ROBO1: variants seen among roughly 807,000 people sequenced by gnomAD.
ROBO1 encodes the protein roundabout guidance receptor 1.
Under a neutral mutation model 195.9 loss-of-function variants are expected in ROBO1, and 149 were observed. The ratio of observed to expected loss-of-function variants is 0.76; its 90% confidence interval spans 0.67 to 0.87. The LOEUF (loss-of-function observed/expected upper bound fraction) is 0.87. Ranked by LOEUF, ROBO1 falls within the 40% of genes least tolerant of loss-of-function variation. The pLI, the probability that ROBO1 is intolerant of heterozygous loss-of-function variation, is 0.00. For missense variants in ROBO1, 1,933 were observed against 2,068.3 expected (o/e 0.93, Z 1.27); for synonymous variants, 816 against 733.2 (o/e 1.11, Z -1.82).
intron 2 of ROBO1, among the ~76,000 whole-genome samples, chr3:79,337,066 T>A (rs576844781): frequency 6.6e-6 from 1 of 152,210 alleles, no homozygotes; most frequent in African/African-American, 2.4e-5. Flanking sequence ...TGCCTGTACC[T>A]CCATTGTATT....
At chr3:78,967,796 T>C (rs964352739) in intron 3 of ROBO1, among the ~76,000 whole-genome samples, 24 of 152,154 alleles carry the variant, frequency 1.6e-4, no homozygotes, top group Non-Finnish European at 3.2e-4. Context: ...ATTTAACTTA[T>C]AAGAAAAGAT....
At chr3:78,725,948 TC>T (rs1469357220) in intron 5 of ROBO1, among the ~76,000 whole-genome samples, 1 of 144,370 alleles carries the variant, frequency 6.9e-6, no homozygotes. Flanking sequence ...TTTTTTTTTT[TC>T]AGACATCACC....
chr3:79,247,224 G>A (rs1028349267), intron 2 of ROBO1, among the ~76,000 whole-genome samples: 8 of 147,760 alleles, frequency 5.4e-5, no homozygotes, highest in Admixed American at 2.7e-4. Context: ...TGATTTCTTC[G>A]TTTCTCTCTA....
intron 2 of ROBO1, among the ~76,000 whole-genome samples, chr3:79,422,171 A>C (rs2038252584): frequency 6.7e-6 from 1 of 148,286 alleles, no homozygotes; most frequent in Non-Finnish European, 1.5e-5. Flanking sequence ...TACATATCTT[A>C]TGTATTATAT....
Position 79,006,248 on chromosome 3 carries a change from A to G in ROBO1, c.173-67321T>C, listed in dbSNP as rs535108726. On this transcript the variant is annotated intron_variant, in intron 3 of 30. Coordinates refer to ENST00000464233, the MANE Select transcript of ROBO1 (RefSeq NM_002941.4). ...CCTGGCTCAACAAATACAATTTGTAAAATGTAAATAGCTACCAATAAAGGA... is the reference window on the plus strand; with the variant it reads ...CCTGGCTCAACAAATACAATTTGTAGAATGTAAATAGCTACCAATAAAGGA... 6.0e-5 allele frequency among the ~76,000 whole-genome samples: 8 copies of G among 134,382 alleles called. No homozygotes were observed. The East Asian group carries it at 1.7e-3, about 28-fold the overall frequency. The allele number at this position is 134,382 out of a possible 152,430, so 88.2% of individuals were successfully genotyped here. A position where few individuals can be genotyped will look rare whatever the true frequency, so the allele number is the denominator to read the frequency against.
intron 1 of ROBO1, among the ~76,000 whole-genome samples, chr3:79,721,606 T>C (rs896886857): frequency 1.3e-5 from 2 of 152,166 alleles, no homozygotes; most frequent in African/African-American, 2.4e-5. Context: ...CCTTTGAAAA[T>C]ATCAAATGAT....
intron 1 of ROBO1, among the ~76,000 whole-genome samples, chr3:79,616,510 C>T (rs1560041101): frequency 6.6e-6 from 1 of 152,024 alleles, no homozygotes; most frequent in Admixed American, 6.6e-5. Context: ...TCAAAGTGTA[C>T]TTTGGGACAT....
intron 2 of ROBO1, among the ~76,000 whole-genome samples, chr3:79,272,011 G>T (rs1364943759): frequency 6.6e-6 from 1 of 152,006 alleles, no homozygotes; most frequent in African/African-American, 2.4e-5. Context: ...TGGGGTGGTT[G>T]TACTCCTTTC....
chr3:79,650,378 A>G (rs964719188), intron 1 of ROBO1, among the ~76,000 whole-genome samples: 6 of 151,756 alleles, frequency 4.0e-5, no homozygotes, highest in African/African-American at 1.4e-4. Flanking sequence ...AGAAATGATA[A>G]TCAATTTATA....
intron 3 of ROBO1, among the ~76,000 whole-genome samples, chr3:79,049,579 C>T (rs974697861): frequency 2.6e-5 from 4 of 151,874 alleles, no homozygotes; most frequent in African/African-American, 7.3e-5. Flanking sequence ...GAAGAGCAAC[C>T]CCAAGACACG....
chr3:78,818,758 C>T (rs1366728733), intron 4 of ROBO1, among the ~76,000 whole-genome samples: 1 of 152,174 alleles, frequency 6.6e-6, no homozygotes. Flanking sequence ...GATGGTCGTC[C>T]TGTTCAACTC....
intron 2 of ROBO1, among the ~76,000 whole-genome samples, chr3:79,369,353 C>A (rs1372226676): frequency 6.6e-6 from 1 of 152,134 alleles, no homozygotes; most frequent in African/African-American, 2.4e-5. Flanking sequence ...TGTGTAAAAT[C>A]CCTTTGGCTA....
chr3:79,360,467 A>G (rs2109302075), intron 2 of ROBO1, among the ~76,000 whole-genome samples: 1 of 152,130 alleles, frequency 6.6e-6, no homozygotes, highest in African/African-American at 2.4e-5. Flanking sequence ...TAAAAAAAGA[A>G]AATAAAATAA....
intron 2 of ROBO1, among the ~76,000 whole-genome samples, chr3:79,429,904 CTGAT>C (rs1575815070): frequency 6.6e-6 from 1 of 151,766 alleles, no homozygotes; most frequent in Non-Finnish European, 1.5e-5. Flanking sequence ...TAAGATATGT[CTGAT>C]TATTATTATT....
At chr3:79,707,161 C>T (rs989470141) in intron 1 of ROBO1, among the ~76,000 whole-genome samples, 1 of 152,038 alleles carries the variant, frequency 6.6e-6, no homozygotes, top group African/African-American at 2.4e-5. Flanking sequence ...TTTATTATTG[C>T]TTTAATTTCT....
At chr3:79,381,189 T>G (rs2036555235) in intron 2 of ROBO1, among the ~76,000 whole-genome samples, 1 of 151,554 alleles carries the variant, frequency 6.6e-6, no homozygotes, top group Non-Finnish European at 1.5e-5. Context: ...AAACCCCGTC[T>G]CTACTAAAAA....
intron 2 of ROBO1, among the ~76,000 whole-genome samples, chr3:79,396,432 T>A (rs966820588): frequency 3.9e-5 from 6 of 152,076 alleles, no homozygotes; most frequent in Non-Finnish European, 7.4e-5. Context: ...ATGCTAACAA[T>A]TCTTTATATC....
chr3:79,630,107 CAAG>C (rs887796015), intron 1 of ROBO1, among the ~76,000 whole-genome samples: 3 of 151,736 alleles, frequency 2.0e-5, no homozygotes, highest in East Asian at 1.9e-4. Context: ...AACAAACAAA[CAAG>C]AAGGAGGAGA....
At chr3:78,929,479 CATTTATTTATTTATTTATTTATTT>C (rs35081123) in intron 4 of ROBO1, among the ~76,000 whole-genome samples, 1 of 144,274 alleles carries the variant, frequency 6.9e-6, no homozygotes, top group African/African-American at 2.6e-5. Context: ...TTTCCAGTAT[CATTTATTTATTTATTTATTTATTT>C]ATTTATTTAT....
Sources: allele counts gnomAD v4.1 joint callset (sites outside exome capture counted in the v4.1 genomes callset), GRCh38; gene constraint gnomAD v4.1.1; transcripts MANE v1.5; gene names NCBI Gene and HGNC (gene_info 2026-07-23, HGNC 2026-07-21).